Variants in DIAPH3 observed in about 807,000 individuals in gnomAD.
DIAPH3 encodes the protein diaphanous related formin 3.
DIAPH3 carries 117 observed loss-of-function variants against 144.3 expected under a neutral mutation model. The ratio of observed to expected loss-of-function variants is 0.81; its 90% CI spans 0.70 to 0.95. The LOEUF (loss-of-function observed/expected upper bound fraction) is 0.95. Among genes scored for constraint, DIAPH3 ranks in the 40% least tolerant of loss-of-function variants. The pLI is 0.00. For missense variants in DIAPH3, 1,421 were observed against 1,412.7 expected (o/e 1.01, Z -0.09); for synonymous variants, 519 against 488.9 (o/e 1.06, Z -0.81).
At chr13:59,949,792 T>C (rs2049006761) in intron 17 of DIAPH3, among the ~76,000 whole-genome samples, 1 of 152,182 alleles carries the variant, frequency 6.6e-6, no homozygotes, top group African/African-American at 2.4e-5. Flanking sequence ...ATAAAACCTA[T>C]TTATCTTTAG....
intron 20 of DIAPH3, among the ~76,000 whole-genome samples, chr13:59,887,464 T>A (rs2045525584): frequency 6.6e-6 from 1 of 152,214 alleles, no homozygotes; most frequent in Admixed American, 6.5e-5. Context: ...AATAATTCCT[T>A]CTTTGGCCCA....
At chr13:59,785,257 C>T (rs1466821585) in intron 25 of DIAPH3, among the ~76,000 whole-genome samples, 1 of 151,962 alleles carries the variant, frequency 6.6e-6, no homozygotes, top group Non-Finnish European at 1.5e-5. Context: ...TTTTTTCTCC[C>T]TTATTCGTCA....
chr13:59,764,992 T>A (rs1429106307), intron 27 of DIAPH3, among the ~76,000 whole-genome samples: 1 of 152,102 alleles, frequency 6.6e-6, no homozygotes, highest in African/African-American at 2.4e-5. Flanking sequence ...ATATTGTTGT[T>A]CCAGATTAAA....
At chr13:60,027,126 C>T (rs1228756592) in intron 5 of DIAPH3, among the ~76,000 whole-genome samples, 1 of 152,170 alleles carries the variant, frequency 6.6e-6, no homozygotes, top group Non-Finnish European at 1.5e-5. Flanking sequence ...TCATTTTCAC[C>T]TACCTTTACC....
chr13:59,872,381 C>T (rs2140008925), intron 21 of DIAPH3, among the ~76,000 whole-genome samples: 1 of 152,128 alleles, frequency 6.6e-6, no homozygotes, highest in South Asian at 2.1e-4. Flanking sequence ...AAGGACTTAA[C>T]AAAACACACG....
intron 20 of DIAPH3, among the ~76,000 whole-genome samples, chr13:59,904,292 A>G (rs2046612183): frequency 1.3e-5 from 2 of 152,190 alleles, no homozygotes; most frequent in South Asian, 4.1e-4. Context: ...GAGCCTGAGG[A>G]AACATTTAGG....
chr13:59,768,552 C>A (rs1307251181), intron 27 of DIAPH3, among the ~76,000 whole-genome samples: 1 of 151,974 alleles, frequency 6.6e-6, no homozygotes, highest in African/African-American at 2.4e-5. Flanking sequence ...GGTCAAGAAA[C>A]AAGGTGTCCC....
At chr13:59,728,905 A>G (rs2645044) in intron 27 of DIAPH3, among the ~76,000 whole-genome samples, 112,096 of 152,008 alleles carry the variant, frequency 0.74, 41,653 homozygotes, top group East Asian at 0.88. Flanking sequence ...GAAGAAGTAG[A>G]AAGCTCCAAA....
chr13:59,782,929 G>A (rs555491665), intron 25 of DIAPH3, among the ~76,000 whole-genome samples: 5 of 152,214 alleles, frequency 3.3e-5, no homozygotes, highest in Admixed American at 2.0e-4. Context: ...AGATAACAGG[G>A]GTAACGCTGC....
At chr13:59,911,923 C>T in intron 19 of DIAPH3, 87 bp from the exon 20 acceptor site, 5 of 1,056,592 alleles carry the variant, frequency 4.7e-6, no homozygotes, top group Admixed American at 2.1e-5. Context: ...TGAAAGAAAA[C>T]CAGTGAAGTT....
intron 20 of DIAPH3, among the ~76,000 whole-genome samples, chr13:59,900,132 G>C (rs1216482624): frequency 6.6e-6 from 1 of 152,108 alleles, no homozygotes. Flanking sequence ...GGCAGGATTT[G>C]ATATTACTAT....
At chr13:59,807,519 A>T (rs1013063861) in intron 25 of DIAPH3, among the ~76,000 whole-genome samples, 2 of 152,088 alleles carry the variant, frequency 1.3e-5, no homozygotes, top group African/African-American at 2.4e-5. Context: ...TTTTACAGAT[A>T]TATTACTTTA....
intron 22 of DIAPH3, among the ~76,000 whole-genome samples, chr13:59,859,244 A>G (rs2043432226): frequency 1.3e-5 from 2 of 152,140 alleles, no homozygotes; most frequent in Admixed American, 1.3e-4. Context: ...TGTGAAACAT[A>G]CTAACGGTGT....
intron 1 of DIAPH3, among the ~76,000 whole-genome samples, chr13:60,141,704 AAAAC>A (rs1237411433): frequency 6.6e-6 from 1 of 152,258 alleles, no homozygotes; most frequent in Non-Finnish European, 1.5e-5. Context: ...ATCAATAAAT[AAAAC>A]AAAGATTTTT....
chr13:60,040,876 C>T (rs1292477010), intron 5 of DIAPH3, among the ~76,000 whole-genome samples: 2 of 152,146 alleles, frequency 1.3e-5, no homozygotes, highest in Admixed American at 6.5e-5. Flanking sequence ...TGCAGTGGCA[C>T]GATGCCAGCT....
intron 17 of DIAPH3, among the ~76,000 whole-genome samples, chr13:59,942,018 C>T (rs2048560907): frequency 6.6e-6 from 1 of 152,160 alleles, no homozygotes; most frequent in Non-Finnish European, 1.5e-5. Context: ...CCCAAATACT[C>T]ATAATGATTT....
chr13:60,001,535 GTTGA>G (rs1389139109), intron 9 of DIAPH3, among the ~76,000 whole-genome samples: 11 of 152,212 alleles, frequency 7.2e-5, no homozygotes, highest in African/African-American at 2.7e-4. Flanking sequence ...TGGAAGCCAA[GTTGA>G]AAGCTCTGCC....
At chr13:60,045,487 A>G (rs946213889) in intron 4 of DIAPH3, among the ~76,000 whole-genome samples, 9 of 152,256 alleles carry the variant, frequency 5.9e-5, no homozygotes, top group African/African-American at 1.9e-4. Context: ...TCTTTAAGCA[A>G]TATTTCATGA....
At chr13:59,942,640 A>G (rs959722757) in intron 17 of DIAPH3, among the ~76,000 whole-genome samples, 1 of 152,178 alleles carries the variant, frequency 6.6e-6, no homozygotes, top group Non-Finnish European at 1.5e-5. Flanking sequence ...AATGATAGTT[A>G]TTGTTAACAA....
Sources: allele counts gnomAD v4.1 joint callset (sites outside exome capture counted in the v4.1 genomes callset), GRCh38; gene constraint gnomAD v4.1.1; transcripts MANE v1.5; gene names NCBI Gene and HGNC (gene_info 2026-07-23, HGNC 2026-07-21).